The following FMN2 variants were observed in gnomAD, a reference collection of about 807,000 sequenced individuals.
FMN2 encodes the protein formin 2, also known as formin-2.
Under a neutral mutation model 142.3 loss-of-function variants are expected in FMN2, and 51 were observed. The ratio of observed to expected loss-of-function variants is 0.36; its 90% CI spans 0.29 to 0.45. The LOEUF (loss-of-function observed/expected upper bound fraction) is 0.45, where lower values mean the gene tolerates loss of function less well. Among genes scored for constraint, FMN2 ranks in the 20% least tolerant of loss-of-function variants. FMN2 has a pLI of 1.00. For synonymous variants in FMN2, 882 were observed against 869.8 expected (o/e 1.01, Z -0.25); for missense variants, 1,936 against 2,122.8 (o/e 0.91, Z 1.73).
At chr1:240,449,717 G>A (rs35361643) in intron 16 of FMN2, among the ~76,000 whole-genome samples, 17,741 of 151,982 alleles carry the variant, frequency 0.12, 1,511 homozygotes, top group African/African-American at 0.23. Flanking sequence ...CTCCTTAAAG[G>A]GACATGTAAA....
intron 6 of FMN2, among the ~76,000 whole-genome samples, chr1:240,233,060 T>A (rs775420142): frequency 2.2e-3 from 328 of 152,224 alleles, no homozygotes; most frequent in Non-Finnish European, 4.0e-3. Context: ...TAACAGCCAC[T>A]TAATAAATTC....
chr1:240,256,847 G>A (rs77418410), intron 6 of FMN2, among the ~76,000 whole-genome samples: 4,204 of 152,236 alleles, frequency 0.028, 189 homozygotes, highest in African/African-American at 0.096. Context: ...ACCCCCATCC[G>A]TGCTGGGGCA....
chr1:240,427,454 C>A (rs920522711), intron 15 of FMN2, among the ~76,000 whole-genome samples: 1 of 152,130 alleles, frequency 6.6e-6, no homozygotes, highest in African/African-American at 2.4e-5. Flanking sequence ...ATCTGCCCGC[C>A]TCGGCCTCCC....
chr1:240,113,330 G>A (rs1229511423), intron 1 of FMN2, among the ~76,000 whole-genome samples: 8 of 152,048 alleles, frequency 5.3e-5, no homozygotes, highest in African/African-American at 1.9e-4. Flanking sequence ...TTGGGAGGCC[G>A]AGGTGGGCGG....
intron 7 of FMN2, among the ~76,000 whole-genome samples, chr1:240,281,246 CAA>C (rs1558409749): frequency 6.6e-6 from 1 of 151,948 alleles, no homozygotes; most frequent in Non-Finnish European, 1.5e-5. Flanking sequence ...AGCCTGAGTG[CAA>C]AGTCTATGGC....
intron 1 of FMN2, among the ~76,000 whole-genome samples, chr1:240,095,589 T>C (rs1234959941): frequency 1.3e-5 from 2 of 152,070 alleles, no homozygotes; most frequent in Non-Finnish European, 2.9e-5. Context: ...TGTATAGATA[T>C]AGACATGCAA....
chr1:240,099,094 A>C (rs1453804747), intron 1 of FMN2, among the ~76,000 whole-genome samples: 3 of 152,188 alleles, frequency 2.0e-5, no homozygotes, highest in African/African-American at 7.2e-5. Flanking sequence ...TTAAGATGAA[A>C]TGAAATAGCA....
intron 4 of FMN2, among the ~76,000 whole-genome samples, chr1:240,190,443 G>A (rs1665655668): frequency 6.6e-6 from 1 of 152,268 alleles, no homozygotes; most frequent in African/African-American, 2.4e-5. Context: ...AAAGTAACTG[G>A]CCGTAAAGGG....
chr1:240,288,294 G>T (rs1412395217), intron 7 of FMN2, among the ~76,000 whole-genome samples: 1 of 152,132 alleles, frequency 6.6e-6, no homozygotes, highest in Admixed American at 6.6e-5. Flanking sequence ...TCTATTTATA[G>T]AAATGATGAG....
intron 16 of FMN2, among the ~76,000 whole-genome samples, chr1:240,451,133 C>T (rs1391182618): frequency 2.0e-5 from 3 of 151,876 alleles, no homozygotes; most frequent in East Asian, 1.9e-4. Context: ...TTTGGGAGGC[C>T]GAGGCGGGTG....
intron 16 of FMN2, among the ~76,000 whole-genome samples, chr1:240,468,286 A>G (rs1676695371): frequency 6.6e-6 from 1 of 152,126 alleles, no homozygotes; most frequent in African/African-American, 2.4e-5. Flanking sequence ...ATATGCACAC[A>G]CACATATACA....
At chr1:240,449,012 C>A (rs1419710945) in intron 16 of FMN2, among the ~76,000 whole-genome samples, 1 of 151,830 alleles carries the variant, frequency 6.6e-6, no homozygotes, top group African/African-American at 2.4e-5. Flanking sequence ...CGTGGTGGCG[C>A]CTTCCTGAAT....
chr1:240,105,596 TAG>T (rs1235765652), intron 1 of FMN2, among the ~76,000 whole-genome samples: 4 of 152,182 alleles, frequency 2.6e-5, no homozygotes, highest in Non-Finnish European at 5.9e-5. Flanking sequence ...TTCATTTTAA[TAG>T]AGTTTAGACT....
intron 14 of FMN2, among the ~76,000 whole-genome samples, chr1:240,366,589 G>C (rs1672676973): frequency 6.7e-6 from 1 of 149,760 alleles, no homozygotes; most frequent in Admixed American, 6.6e-5. Flanking sequence ...GCCCAGGTTG[G>C]AGTACAATGG....
chr1:240,148,361 CAG>C (rs1663595258), intron 2 of FMN2, among the ~76,000 whole-genome samples: 1 of 80,658 alleles, frequency 1.2e-5, no homozygotes, highest in Admixed American at 1.1e-4. Flanking sequence ...GACAGAGAGA[CAG>C]AGACAGAGAG....
chr1:240,328,160 A>G (rs1671244070), intron 8 of FMN2, among the ~76,000 whole-genome samples: 1 of 148,848 alleles, frequency 6.7e-6, no homozygotes. Flanking sequence ...AAAAAAAAAA[A>G]AAAAAAAAAA....
intron 2 of FMN2, among the ~76,000 whole-genome samples, chr1:240,162,857 C>T (rs1664336398): frequency 6.6e-6 from 1 of 151,930 alleles, no homozygotes; most frequent in Non-Finnish European, 1.5e-5. Context: ...TTTTTGTAAC[C>T]TTCTATCTTT....
chr1:240,121,380 TA>T (rs1439149902), intron 1 of FMN2, among the ~76,000 whole-genome samples: 4 of 140,972 alleles, frequency 2.8e-5, no homozygotes, highest in South Asian at 2.2e-4. Flanking sequence ...TTTTTATTTT[TA>T]TTTTTTTTTT....
At chr1:240,200,479 A>G (rs1224249466) in intron 4 of FMN2, among the ~76,000 whole-genome samples, 1 of 152,118 alleles carries the variant, frequency 6.6e-6, no homozygotes, top group Non-Finnish European at 1.5e-5. Context: ...ATAGCCCTGG[A>G]TAAGGAAGGC....
Sources: allele counts gnomAD v4.1 joint callset (sites outside exome capture counted in the v4.1 genomes callset), GRCh38; gene constraint gnomAD v4.1.1; transcripts MANE v1.5; gene names NCBI Gene and HGNC (gene_info 2026-07-23, HGNC 2026-07-21).